The following ARSG variants were observed in gnomAD, a reference collection of about 807,000 sequenced individuals.
The protein encoded by ARSG is ASG.
ARSG carries 37 observed loss-of-function variants against 50.5 expected under a neutral mutation model. The observed-to-expected ratio is 0.73, with a 90% CI of 0.56 to 0.96. The LOEUF is 0.96. Ranked by LOEUF, ARSG falls within the 50% of genes least tolerant of loss-of-function variation. The pLI, the probability that ARSG is intolerant of heterozygous loss-of-function variation, is 0.00. For synonymous variants in ARSG, 225 were observed against 254.6 expected, an observed-to-expected ratio of 0.88 and a Z score of 1.11; for missense variants, 629 against 675.3, an observed-to-expected ratio of 0.93 and a Z score of 0.76.
At chr17:68,309,091 G>A (rs538468447) in intron 2 of ARSG, among the ~76,000 whole-genome samples, 72 of 152,358 alleles carry the variant, frequency 4.7e-4, no homozygotes, top group African/African-American at 1.3e-3. Flanking sequence ...GAAATCGAGT[G>A]CAGTGCTGGT....
chr17:68,429,073 G>T, the ARSG span: 1 of 650,188 alleles, frequency 1.5e-6, no homozygotes. Context: ...GATCTGGTCT[G>T]GGCTTCTGGC....
In ARSG at chr17:68,378,293, T is replaced by C. The variant is rs2080254000; in HGVS notation, c.983-6771T>C. Among the ~76,000 whole-genome samples the C allele has an allele frequency of 6.6e-6, 1 of 152,228 alleles. No homozygotes were observed. Among genetic ancestry groups the C allele is most frequent in the South Asian group, 2.1e-4 (1 of 4,834 alleles). ...GTAGGACAAACAGTACCCGGAGTCG[T>C]GCAACTTTCTCCCTGAAGCCAGGCT... On this transcript the variant is annotated intron_variant, in intron 8 of 11. Coordinates refer to ENST00000621439, the MANE Select transcript of ARSG (RefSeq NM_001267727.2). The surrounding 1 kb of genome is among the most constrained non-coding windows in gnomAD (Gnocchi z 4.4).
At chr17:68,337,112 C>T (rs962346239) in intron 2 of ARSG, among the ~76,000 whole-genome samples, 70 of 152,156 alleles carry the variant, frequency 4.6e-4, no homozygotes, top group African/African-American at 1.6e-3. Flanking sequence ...GATGGGTTCT[C>T]TGCTGGGATG....
chr17:68,399,105 A>AC lies in ARSG; in HGVS notation c.1213-2254dup, dbSNP rs1324986629. 6.6e-6 allele frequency among the ~76,000 whole-genome samples: 1 copy of AC among 152,210 alleles called. No homozygotes were observed. The highest frequency in any genetic ancestry group is 3.2e-3 in the Middle Eastern group (1 of 316). ...AACAGCTCTGCATCTGCCCAGCCTC[A>AC]CACAGTCTGGGGCTGCTGTGGGTCA... On this transcript the variant is annotated intron_variant, in intron 10 of 11. Transcript: ENST00000621439. The surrounding 1 kb of genome is among the most constrained non-coding windows in gnomAD (Gnocchi z 4.6).
At chr17:68,427,745 C>T in the ARSG span, among the ~76,000 whole-genome samples, 3 of 152,232 alleles carry the variant, frequency 2.0e-5, no homozygotes, top group African/African-American at 4.8e-5. Flanking sequence ...AAGATTAGTC[C>T]TCTGCTCTTC....
At chr17:68,446,471 T>A in the ARSG span, among the ~76,000 whole-genome samples, 1 of 152,160 alleles carries the variant, frequency 6.6e-6, no homozygotes, top group Admixed American at 6.5e-5. Flanking sequence ...CATGAGCTAC[T>A]GTGCCCAGCC....
At chr17:68,274,081 A>G (rs1555750128) in intron 1 of ARSG, 2 of 1,609,392 alleles carry the variant, frequency 1.2e-6, no homozygotes, top group South Asian at 1.1e-5. Context: ...CTGCCGGGAA[A>G]GAACAAAACG....
the ARSG span, among the ~76,000 whole-genome samples, chr17:68,447,361 GTTC>G: frequency 0.036 from 5,452 of 152,156 alleles, 333 homozygotes; most frequent in African/African-American, 0.12. Context: ...ATTCCTAAGT[GTTC>G]TTCTTTTTTA....
At chr17:68,395,911 A>G (rs2081220723) in intron 10 of ARSG, among the ~76,000 whole-genome samples, 2 of 152,154 alleles carry the variant, frequency 1.3e-5, no homozygotes. Context: ...TGAACAAATG[A>G]GTGAAAGACC....
At chr17:68,376,962 C>T (rs557660119) in intron 8 of ARSG, among the ~76,000 whole-genome samples, 39 of 151,906 alleles carry the variant, frequency 2.6e-4, no homozygotes, top group African/African-American at 8.0e-4. Context: ...CAGGTTCAAG[C>T]GATTCTCCTG....
intron 2 of ARSG, among the ~76,000 whole-genome samples, chr17:68,318,941 G>A (rs1555769625): frequency 6.6e-6 from 1 of 152,152 alleles, no homozygotes; most frequent in Non-Finnish European, 1.5e-5. Flanking sequence ...TTGGCTTTTT[G>A]CAAGAGTTCA....
intron 2 of ARSG, among the ~76,000 whole-genome samples, chr17:68,313,510 T>C (rs1168049059): frequency 2.0e-5 from 3 of 152,004 alleles, no homozygotes; most frequent in Non-Finnish European, 4.4e-5. Context: ...AAAATACCAG[T>C]CTTTGGATTG....
At chr17:68,313,009 C>T (rs887355446) in intron 2 of ARSG, among the ~76,000 whole-genome samples, 1 of 152,192 alleles carries the variant, frequency 6.6e-6, no homozygotes, top group Admixed American at 6.5e-5. Flanking sequence ...CACCTGTAAT[C>T]CCAGCACTTT....
rs376525979 is a variant in ARSG at position 68,330,701 on chromosome 17, G to C, written c.219-12903G>C. Among the ~76,000 whole-genome samples, 10 of 152,146 alleles carry C rather than the reference G, an allele frequency of 6.6e-5. No individual in the cohort carries two copies. The East Asian group carries it at 1.9e-3, about 29-fold the overall frequency. On this transcript the variant is annotated intron_variant, in intron 2 of 11. Transcript: ENST00000621439. ...AAACTGGCAAAGGAAGCAACCACAT[G>C]CCACATGGGAGCGCTGTCTGGGGCC...
intron 1 of ARSG, among the ~76,000 whole-genome samples, chr17:68,261,823 A>C (rs1306471986): frequency 6.6e-6 from 1 of 152,206 alleles, no homozygotes. Flanking sequence ...ACAAATGCTA[A>C]GGCCTGAAGC....
chr17:68,336,542 A>G (rs2078029363), intron 2 of ARSG, among the ~76,000 whole-genome samples: 1 of 151,878 alleles, frequency 6.6e-6, no homozygotes, highest in South Asian at 2.1e-4. Flanking sequence ...GATTAGTGTG[A>G]TCAAATTCGC....
chr17:68,269,673 GTTT>G (rs782421181), intron 1 of ARSG, among the ~76,000 whole-genome samples: 6 of 77,890 alleles, frequency 7.7e-5, no homozygotes, highest in African/African-American at 2.2e-4. Context: ...TTCACTTTAG[GTTT>G]TTTTTTTTTT....
intron 6 of ARSG, among the ~76,000 whole-genome samples, chr17:68,364,811 A>T (rs1418102842): frequency 2.0e-5 from 3 of 152,192 alleles, no homozygotes; most frequent in Non-Finnish European, 4.4e-5. Context: ...TTAAAGCATC[A>T]GGTGTCCCCC....
the ARSG span, among the ~76,000 whole-genome samples, chr17:68,433,096 A>G: frequency 6.6e-6 from 1 of 152,226 alleles, no homozygotes; most frequent in Admixed American, 6.5e-5. Flanking sequence ...ATCAGCTAAC[A>G]CTTCTTAGTG....
Sources: allele counts gnomAD v4.1 joint callset (sites outside exome capture counted in the v4.1 genomes callset), GRCh38; gene constraint gnomAD v4.1.1; non-coding constraint Gnocchi (gnomAD v3.1); transcripts MANE v1.5; gene names NCBI Gene and HGNC (gene_info 2026-07-23, HGNC 2026-07-21).